Variants in ADAMTSL1 observed in about 807,000 individuals in gnomAD.
The protein encoded by ADAMTSL1 is ADAMTS like 1, also known as ADAMTS-like protein 1.
ADAMTSL1 carries 126 observed loss-of-function variants against 201.8 expected under a neutral mutation model. That is an observed-to-expected ratio of 0.62 (90% CI 0.54 to 0.72). The LOEUF (loss-of-function observed/expected upper bound fraction) is 0.72, where lower values mean the gene tolerates loss of function less well. Among genes scored for constraint, ADAMTSL1 ranks in the 30% least tolerant of loss-of-function variants. ADAMTSL1 has a pLI of 0.00. For synonymous variants in ADAMTSL1, 1,121 were observed against 903.4 expected (o/e 1.24, Z -4.32); for missense variants, 2,679 against 2,277.8 (o/e 1.18, Z -3.59).
At chr9:18,624,636 T>C (rs895630958) in intron 5 of ADAMTSL1, among the ~76,000 whole-genome samples, 1 of 152,166 alleles carries the variant, frequency 6.6e-6, no homozygotes, top group African/African-American at 2.4e-5. Flanking sequence ...CTTGTTCTCA[T>C]AGAGGATCTA....
intron 2 of ADAMTSL1, among the ~76,000 whole-genome samples, chr9:18,180,672 G>A (rs949965675): frequency 2.6e-5 from 4 of 152,116 alleles, no homozygotes; most frequent in African/African-American, 9.7e-5. Flanking sequence ...CATGCTCATG[G>A]GTAGGAAGAA....
chr9:18,802,997 GTCT>G (rs1237398105), intron 20 of ADAMTSL1, among the ~76,000 whole-genome samples: 2 of 152,176 alleles, frequency 1.3e-5, no homozygotes, highest in African/African-American at 2.4e-5. Flanking sequence ...TCATTTACGT[GTCT>G]TCTTTGTTGT....
intron 1 of ADAMTSL1, among the ~76,000 whole-genome samples, chr9:18,153,059 C>T (rs937151606): frequency 6.6e-6 from 1 of 151,826 alleles, no homozygotes; most frequent in Non-Finnish European, 1.5e-5. Flanking sequence ...AAAAAAAAGC[C>T]GTCATATATT....
intron 3 of ADAMTSL1, among the ~76,000 whole-genome samples, chr9:18,533,612 A>G (rs1256219970): frequency 6.6e-6 from 1 of 152,214 alleles, no homozygotes. Context: ...CAGTTGGGGT[A>G]TCATGAAATA....
chr9:18,723,028 G>A (rs759625545), intron 15 of ADAMTSL1: 6 of 779,574 alleles, frequency 7.7e-6, no homozygotes, highest in African/African-American at 1.7e-5. Context: ...AAGCAGTATC[G>A]ACTCAGCATG....
At chr9:18,786,496 C>A (rs577652093) in intron 19 of ADAMTSL1, among the ~76,000 whole-genome samples, 2 of 152,196 alleles carry the variant, frequency 1.3e-5, no homozygotes, top group Non-Finnish European at 2.9e-5. Context: ...GATACTAGTA[C>A]AATTAGGCAC....
At chr9:18,364,170 T>C (rs1427497599) in intron 2 of ADAMTSL1, among the ~76,000 whole-genome samples, 1 of 152,106 alleles carries the variant, frequency 6.6e-6, no homozygotes, top group South Asian at 2.1e-4. Context: ...CTAAGAGCCA[T>C]GGATGAGTAG....
At chr9:18,443,516 C>G (rs1418833802) in intron 2 of ADAMTSL1, among the ~76,000 whole-genome samples, 1 of 152,104 alleles carries the variant, frequency 6.6e-6, no homozygotes, top group Non-Finnish European at 1.5e-5. Context: ...TTTAGTAAGC[C>G]ATGGGAGTTA....
chr9:18,838,906 T>C (rs1429243005), intron 23 of ADAMTSL1, among the ~76,000 whole-genome samples: 2 of 151,168 alleles, frequency 1.3e-5, no homozygotes, highest in Non-Finnish European at 2.9e-5. Flanking sequence ...ACCTAAAATA[T>C]GTAATTACAT....
At chr9:18,683,315 C>T (rs1254939171) in intron 12 of ADAMTSL1, among the ~76,000 whole-genome samples, 1 of 151,034 alleles carries the variant, frequency 6.6e-6, no homozygotes, top group Non-Finnish European at 1.5e-5. Flanking sequence ...ACCTCTGCCT[C>T]CCAGGCTGAG....
intron 1 of ADAMTSL1, among the ~76,000 whole-genome samples, chr9:18,096,417 T>A (rs1210308632): frequency 6.6e-6 from 1 of 152,290 alleles, no homozygotes; most frequent in East Asian, 1.9e-4. Context: ...TCTGCAGCAA[T>A]GGAAATGTTC....
chr9:18,269,146 A>C (rs1317539614), intron 2 of ADAMTSL1, among the ~76,000 whole-genome samples: 1 of 152,158 alleles, frequency 6.6e-6, no homozygotes, highest in South Asian at 2.1e-4. Flanking sequence ...CTTATGCTAC[A>C]AAGACTATTC....
At chr9:18,070,245 T>G (rs1437887368) in intron 1 of ADAMTSL1, among the ~76,000 whole-genome samples, 1 of 152,160 alleles carries the variant, frequency 6.6e-6, no homozygotes, top group Admixed American at 6.5e-5. Context: ...GAGGAAAACA[T>G]GTCCTGAAGG....
intron 1 of ADAMTSL1, among the ~76,000 whole-genome samples, chr9:18,048,699 G>T (rs965866206): frequency 6.6e-6 from 1 of 152,152 alleles, no homozygotes; most frequent in Non-Finnish European, 1.5e-5. Context: ...AGCCAGAAAG[G>T]TGTCTATACC....
rs1318313088 is a variant in ADAMTSL1 at position 18,092,784 on chromosome 9, GA to G, written c.88-71075del. Among the ~76,000 whole-genome samples, 9 of 152,296 alleles carry G rather than the reference GA, an allele frequency of 5.9e-5. No homozygotes were observed. In the East Asian group the frequency reaches 1.7e-3, roughly 29 times the overall value. On this transcript the variant is annotated intron_variant, in intron 1 of 29. Transcript: ENST00000680146. ...TCAAGATTTCACACTTGCACTTAAT[GA>G]AATAGACATTTTTCAAACTGTTTCT...
intron 3 of ADAMTSL1, among the ~76,000 whole-genome samples, chr9:18,569,898 G>A (rs1485743617): frequency 6.6e-6 from 1 of 151,970 alleles, no homozygotes; most frequent in Non-Finnish European, 1.5e-5. Flanking sequence ...TATATATTTA[G>A]TACATTCTAC....
rs768043936 is a variant in ADAMTSL1, at chr9:18,777,630, C to T, written c.3401C>T (p.Pro1134Leu). ...ERRTSPVTLS[P>L]HKHVSGFSSS... ...AGGACTTCCCCAGTGACTCTCTCGC[C>T]TCATAAACACGTGTCTGGCTTCAGC... The change falls in exon 19 of 29, where the codon CCT (proline) becomes CTT (leucine). Residue 1134 changes from proline (P) to leucine (L), a missense_variant. Transcript: ENST00000380548. The T allele has an allele frequency of 6.2e-7, 1 of 1,613,608 alleles. No homozygotes were observed. The highest frequency in any genetic ancestry group is 8.5e-7 in the Non-Finnish European group (1 of 1,179,868).
In ADAMTSL1 at chr9:18,504,744, C is replaced by G. The variant is rs966801244; in HGVS notation, c.64-85C>G. 3.8e-6 allele frequency: 6 copies of G among 1,580,922 alleles called. No homozygotes were observed. The East Asian group carries it at 1.3e-4, about 35-fold the overall frequency. ...TCCTAGCAAAGCCACCATGTACACA[C>G]ACGTACAGGCCAGTCACATTTTAGA... On this transcript the variant is annotated intron_variant, in intron 1 of 28. Transcript: ENST00000380548.
chr9:18,085,246 A>G (rs1823692276), intron 1 of ADAMTSL1, among the ~76,000 whole-genome samples: 1 of 152,068 alleles, frequency 6.6e-6, no homozygotes, highest in Non-Finnish European at 1.5e-5. Context: ...TAATGCCCAT[A>G]TTGCCTGGGT....
Sources: allele counts gnomAD v4.1 joint callset (sites outside exome capture counted in the v4.1 genomes callset), GRCh38; gene constraint gnomAD v4.1.1; transcripts MANE v1.5; gene names NCBI Gene and HGNC (gene_info 2026-07-23, HGNC 2026-07-21).